Variants in JAZF1 observed in about 807,000 individuals in gnomAD.
JAZF1 encodes the protein juxtaposed with another zinc finger protein 1.
JAZF1 carries 8 observed loss-of-function variants against 26.4 expected under a neutral mutation model. The observed-to-expected ratio is 0.30, with a 90% confidence interval of 0.18 to 0.55. The LOEUF is 0.55. JAZF1 is among the 20% of genes least tolerant of loss of function. JAZF1 has a pLI of 0.94. For missense variants in JAZF1, 199 were observed against 322.0 expected (o/e 0.62, Z 2.92); for synonymous variants, 126 against 122.3 (o/e 1.03, Z -0.20).
At chr7:28,038,308 T>A (rs1216065474) in intron 1 of JAZF1, among the ~76,000 whole-genome samples, 1 of 152,230 alleles carries the variant, frequency 6.6e-6, no homozygotes, top group Non-Finnish European at 1.5e-5. Flanking sequence ...CTCACTGTGC[T>A]TGTATTAGCA....
At chr7:28,024,200 C>T (rs777403297) in intron 1 of JAZF1, among the ~76,000 whole-genome samples, 20 of 152,018 alleles carry the variant, frequency 1.3e-4, no homozygotes, top group South Asian at 1.0e-3. Context: ...GAGGTTGCGG[C>T]GGAAGGACTG....
intron 3 of JAZF1, among the ~76,000 whole-genome samples, chr7:27,845,308 C>T (rs1429216944): frequency 6.6e-6 from 1 of 152,192 alleles, no homozygotes; most frequent in Non-Finnish European, 1.5e-5. Context: ...GCAAGCTCTG[C>T]TGGGGAACTC....
chr7:28,139,098 G>A (rs1583580957), intron 1 of JAZF1, among the ~76,000 whole-genome samples: 1 of 152,092 alleles, frequency 6.6e-6, no homozygotes, highest in African/African-American at 2.4e-5. Context: ...CAAATTTCCC[G>A]GTTGCCTGTA....
At chr7:27,987,438 G>A (rs1005980220) in intron 2 of JAZF1, among the ~76,000 whole-genome samples, 12 of 152,158 alleles carry the variant, frequency 7.9e-5, no homozygotes, top group South Asian at 2.1e-4. Flanking sequence ...CGTCTGGGAA[G>A]TGAGGAGCAT....
intron 2 of JAZF1, among the ~76,000 whole-genome samples, chr7:27,951,639 T>C (rs1023453048): frequency 2.0e-5 from 3 of 152,188 alleles, no homozygotes; most frequent in African/African-American, 7.2e-5. Flanking sequence ...ATTACAGTAT[T>C]TAGGTCCTGA....
At chr7:28,006,808 G>A (rs1782709756) in intron 1 of JAZF1, among the ~76,000 whole-genome samples, 1 of 152,168 alleles carries the variant, frequency 6.6e-6, no homozygotes, top group Non-Finnish European at 1.5e-5. Flanking sequence ...CTGAAACACT[G>A]TTCAGTAACA....
chr7:27,893,200 A>T (rs920958515), intron 3 of JAZF1, among the ~76,000 whole-genome samples: 4 of 152,194 alleles, frequency 2.6e-5, no homozygotes, highest in African/African-American at 9.6e-5. Context: ...ACTTTGTCTA[A>T]CTCATCATCT....
intron 2 of JAZF1, among the ~76,000 whole-genome samples, chr7:27,976,498 G>A (rs79277566): frequency 6.6e-6 from 1 of 152,006 alleles, no homozygotes; most frequent in Admixed American, 6.6e-5. Flanking sequence ...CTAAGAAAAC[G>A]GTAGCACGAT....
intron 2 of JAZF1, among the ~76,000 whole-genome samples, chr7:27,960,059 T>G (rs1306335825): frequency 6.6e-6 from 1 of 152,160 alleles, no homozygotes; most frequent in Non-Finnish European, 1.5e-5. Context: ...GCCACCTACT[T>G]TACTCAGCAT....
At chr7:28,064,020 T>G (rs1408760238) in intron 1 of JAZF1, among the ~76,000 whole-genome samples, 1 of 152,110 alleles carries the variant, frequency 6.6e-6, no homozygotes, top group African/African-American at 2.4e-5. Flanking sequence ...CCATTTTTTC[T>G]CTTCCCAAAA....
At chr7:28,129,176 C>G (rs546516325) in intron 1 of JAZF1, among the ~76,000 whole-genome samples, 4 of 152,246 alleles carry the variant, frequency 2.6e-5, no homozygotes, top group African/African-American at 9.6e-5. Context: ...CCCAAACTCC[C>G]TCTACCTCTC....
intron 1 of JAZF1, among the ~76,000 whole-genome samples, chr7:28,062,259 G>C (rs9784957): frequency 0.59 from 89,957 of 151,888 alleles, 28,026 homozygotes; most frequent in African/African-American, 0.79. Context: ...CAAAGCCTAA[G>C]ATTGAGTGAG....
At chr7:27,874,742 G>A (rs2128338535) in intron 3 of JAZF1, among the ~76,000 whole-genome samples, 1 of 151,528 alleles carries the variant, frequency 6.6e-6, no homozygotes, top group Non-Finnish European at 1.5e-5. Context: ...GAAATCGCTA[G>A]CAGCCTGCTG....
Position 28,052,906 on chromosome 7 carries a change from G to A in JAZF1, c.116-60925C>T, listed in dbSNP as rs1240185759. ...TAAGTATATAGTTCAGCAGTGTTAT[G>A]TATGTTCATATTGTTGTACAACAGA... On this transcript the variant is annotated intron_variant, in intron 1 of 4. Transcript: ENST00000283928. Among the ~76,000 whole-genome samples the A allele has an allele frequency of 2.6e-5, 4 of 151,760 alleles. No individual in the cohort carries two copies. The East Asian group carries it at 7.7e-4, about 29-fold the overall frequency.
At chr7:27,924,043 G>T (rs1384632155) in intron 2 of JAZF1, among the ~76,000 whole-genome samples, 2 of 152,160 alleles carry the variant, frequency 1.3e-5, no homozygotes, top group African/African-American at 4.8e-5. Context: ...ACTGAAAATG[G>T]TGGGACAGTT....
At chr7:27,969,524 C>G (rs778906224) in intron 2 of JAZF1, among the ~76,000 whole-genome samples, 2 of 151,990 alleles carry the variant, frequency 1.3e-5, no homozygotes, top group Non-Finnish European at 2.9e-5. Context: ...GGAAAATGCA[C>G]TAACTCACAT....
intron 3 of JAZF1, among the ~76,000 whole-genome samples, chr7:27,889,280 A>G (rs1783925818): frequency 1.3e-5 from 2 of 151,344 alleles, no homozygotes; most frequent in African/African-American, 4.9e-5. Context: ...CTGTTTTCAG[A>G]GGTTCAATGG....
intron 4 of JAZF1, among the ~76,000 whole-genome samples, chr7:27,836,699 ACCTCAC>A: frequency 6.6e-6 from 1 of 152,156 alleles, no homozygotes; most frequent in East Asian, 1.9e-4. Flanking sequence ...CAGTGTGGAC[ACCTCAC>A]CAGCCCCAGA....
chr7:27,862,057 A>G (rs1783391814), intron 3 of JAZF1, among the ~76,000 whole-genome samples: 1 of 152,174 alleles, frequency 6.6e-6, no homozygotes, highest in Non-Finnish European at 1.5e-5. Context: ...GGCCTCGCAG[A>G]GTTAGGGAGG....
Sources: gnomAD v4.1 joint callset for allele counts (sites outside exome capture counted in the v4.1 genomes callset) on GRCh38, gnomAD v4.1.1 for gene constraint, MANE v1.5 for transcripts, NCBI Gene and HGNC (gene_info 2026-07-23, HGNC 2026-07-21) for gene names.